Variants in ADGRL2 observed in about 807,000 individuals in gnomAD.
ADGRL2 encodes adhesion G protein-coupled receptor L2, also known as calcium-independent alpha-latrotoxin receptor 2.
Under a neutral mutation model 157.4 loss-of-function variants are expected in ADGRL2, and 44 were observed. The ratio of observed to expected loss-of-function variants is 0.28; its 90% CI spans 0.22 to 0.36. The LOEUF is 0.36. ADGRL2 is among the 10% of genes least tolerant of loss of function. The pLI is 1.00. For missense variants in ADGRL2, 1,510 were observed against 1,768.9 expected, an observed-to-expected ratio of 0.85 and a Z score of 2.63; for synonymous variants, 585 against 624.7, an observed-to-expected ratio of 0.94 and a Z score of 0.95.
chr1:81,985,384 A>G (rs1662854681), intron 21 of ADGRL2, 29 bp downstream of exon 21: 10 of 1,255,196 alleles, frequency 8.0e-6, no homozygotes, highest in South Asian at 3.7e-5. Context: ...TTGAGTTACT[A>G]CCATTTATTA....
At chr1:81,878,256 A>G (rs1029412418) in intron 2 of ADGRL2, among the ~76,000 whole-genome samples, 2 of 152,160 alleles carry the variant, frequency 1.3e-5, no homozygotes, top group Non-Finnish European at 2.9e-5. Flanking sequence ...CATGAGGAAC[A>G]TAGATAGGGG....
intron 3 of ADGRL2, among the ~76,000 whole-genome samples, chr1:81,912,618 G>T (rs1302147895): frequency 6.6e-6 from 1 of 152,042 alleles, no homozygotes; most frequent in Non-Finnish European, 1.5e-5. Flanking sequence ...ATTTGAGTAC[G>T]CAAAACCTGC....
At chr1:81,557,021 CAAAA>C (rs150664851) in intron 2 of ADGRL2, 17 of 147,432 alleles carry the variant, frequency 1.2e-4, no homozygotes, top group South Asian at 1.8e-4. Flanking sequence ...GACTCCGTCT[CAAAA>C]AAAAAAAAAA....
chr1:81,628,316 A>T (rs1424723696), intron 3 of ADGRL2, among the ~76,000 whole-genome samples: 4 of 152,142 alleles, frequency 2.6e-5, no homozygotes, highest in Admixed American at 2.6e-4. Flanking sequence ...GCCCTCTCGG[A>T]GCTATCATTT....
chr1:81,335,260 T>C (rs891829567), intron 1 of ADGRL2, among the ~76,000 whole-genome samples: 1 of 152,164 alleles, frequency 6.6e-6, no homozygotes, highest in Non-Finnish European at 1.5e-5. Context: ...TCCCCACACA[T>C]ACACACAAAA....
chr1:81,488,219 G>A (rs1488802626), intron 2 of ADGRL2, among the ~76,000 whole-genome samples: 1 of 151,900 alleles, frequency 6.6e-6, no homozygotes, highest in Non-Finnish European at 1.5e-5. Flanking sequence ...GTATGTCCAG[G>A]GAAAAAAGCA....
intron 2 of ADGRL2, among the ~76,000 whole-genome samples, chr1:81,572,548 C>A: frequency 6.6e-6 from 1 of 152,152 alleles, no homozygotes; most frequent in Non-Finnish European, 1.5e-5. Context: ...AAGTATTAAA[C>A]TTTCATATTA....
At chr1:81,533,521 A>G (rs1305772301) in intron 2 of ADGRL2, among the ~76,000 whole-genome samples, 1 of 152,212 alleles carries the variant, frequency 6.6e-6, no homozygotes, top group Non-Finnish European at 1.5e-5. Flanking sequence ...GAAGAAAGAA[A>G]TTAGGCCAAA....
At chr1:81,762,614 T>C (rs1474261903) in intron 2 of ADGRL2, among the ~76,000 whole-genome samples, 1 of 152,012 alleles carries the variant, frequency 6.6e-6, no homozygotes. Flanking sequence ...GAATTTCTCA[T>C]TGTAGAAAAA....
At chr1:81,762,549 C>T (rs1456291752) in intron 2 of ADGRL2, among the ~76,000 whole-genome samples, 1 of 151,960 alleles carries the variant, frequency 6.6e-6, no homozygotes, top group East Asian at 1.9e-4. Context: ...TTACTGTCTC[C>T]TATGATGCTC....
intron 1 of ADGRL2, among the ~76,000 whole-genome samples, chr1:81,411,015 C>A (rs975212208): frequency 6.6e-6 from 1 of 152,144 alleles, no homozygotes; most frequent in Non-Finnish European, 1.5e-5. Flanking sequence ...GAGATTGTAT[C>A]GGAAAATGTC....
chr1:81,408,429 A>G (rs1214892459), intron 1 of ADGRL2, among the ~76,000 whole-genome samples: 1 of 152,196 alleles, frequency 6.6e-6, no homozygotes, highest in Non-Finnish European at 1.5e-5. Flanking sequence ...ACTTGATAAA[A>G]GTTTTTGTGT....
rs554286542 is a variant in ADGRL2, at chr1:81,564,619, T to C, written c.-247-16257T>C. Among the ~76,000 whole-genome samples, 4 of 152,272 alleles carry C rather than the reference T, an allele frequency of 2.6e-5. No individual in the cohort carries two copies. The South Asian group carries it at 8.3e-4, about 32-fold the overall frequency. On this transcript the variant is annotated intron_variant, in intron 2 of 24. Transcript: ENST00000370721. ...GGTGGACAAGACAGAAGCCAGAGTCTTTTTATAGTCTTATCTCAGAAGTGA... is the reference window on the plus strand; with the variant it reads ...GGTGGACAAGACAGAAGCCAGAGTCCTTTTATAGTCTTATCTCAGAAGTGA...
At position 81,991,308 on chromosome 1, in the gene ADGRL2, A is replaced by G; in HGVS notation, c.*163A>G. 1 of 598,110 alleles carries G rather than the reference A, an allele frequency of 1.7e-6. No individual in the cohort carries two copies. Among genetic ancestry groups the G allele is most frequent in the Non-Finnish European group, 2.8e-6 (1 of 352,952 alleles). 37.1% of individuals were successfully genotyped at this position (598,110 alleles called of 1,614,324 possible). On this transcript the variant is annotated 3_prime_UTR_variant, in exon 24 of 24. Coordinates refer to ENST00000686636, the MANE Select transcript of ADGRL2 (RefSeq NM_001366006.2). ...GAACCTTGCAGTTCTGTGAATTTTT[A>G]TAAAACATACAAAAACTTTGTATAT...
intron 1 of ADGRL2, among the ~76,000 whole-genome samples, chr1:81,379,828 G>A (rs1011303860): frequency 1.3e-5 from 2 of 152,142 alleles, no homozygotes; most frequent in African/African-American, 2.4e-5. Flanking sequence ...GCCTAGGATG[G>A]GGGCATGGTG....
intron 1 of ADGRL2, among the ~76,000 whole-genome samples, chr1:81,810,293 GTTTAC>G (rs1286505323): frequency 1.3e-5 from 2 of 149,484 alleles, no homozygotes; most frequent in African/African-American, 4.9e-5. Context: ...TGCAGACTAC[GTTTAC>G]TTAATCAGTT....
In ADGRL2 at chr1:81,356,968, AAAAAAG is replaced by A. The variant is rs1294350893; in HGVS notation, c.-302+50462_-302+50467del. 3.2e-3 allele frequency among the ~76,000 whole-genome samples: 334 copies of A among 104,202 alleles called. 1 individual carries two copies. Among genetic ancestry groups the A allele is most frequent in the African/African-American group, 0.01 (321 of 31,988 alleles). 68.4% of individuals were successfully genotyped at this position (104,202 alleles called of 152,430 possible). A position where few individuals can be genotyped will look rare whatever the true frequency, so the allele number is the denominator to read the frequency against. Reference sequence around the variant, plus strand: ...ACTCCGTCTCAAAAAAAAAAAAAAAAAAAAAGAAGTTGTTTCCTTTTAAAGCTCATT... The same window carrying A: ...ACTCCGTCTCAAAAAAAAAAAAAAAAAAGTTGTTTCCTTTTAAAGCTCATT... On this transcript the variant is annotated intron_variant, in intron 1 of 24. Coordinates refer to the ADGRL2 transcript ENST00000370721.
chr1:81,558,244 A>G (rs1280456412), intron 2 of ADGRL2, among the ~76,000 whole-genome samples: 2 of 152,226 alleles, frequency 1.3e-5, no homozygotes, highest in Non-Finnish European at 2.9e-5. Context: ...GGTGGGAAAA[A>G]CAGTATGGAC....
intron 1 of ADGRL2, among the ~76,000 whole-genome samples, chr1:81,393,617 G>C (rs1045390707): frequency 6.6e-6 from 1 of 152,092 alleles, no homozygotes; most frequent in Admixed American, 6.6e-5. Flanking sequence ...ATGCCAATGA[G>C]AGGCATATGT....
Sources: gnomAD v4.1 joint callset for allele counts (sites outside exome capture counted in the v4.1 genomes callset) on GRCh38, gnomAD v4.1.1 for gene constraint, MANE v1.5 for transcripts, NCBI Gene and HGNC (gene_info 2026-07-23, HGNC 2026-07-21) for gene names.